The following GRID2 variants were observed in gnomAD, a reference collection of about 807,000 sequenced individuals.
GRID2 encodes glutamate receptor ionotropic, delta-2.
A neutral mutation model predicts 114.8 loss-of-function variants in GRID2; 33 were observed. The observed-to-expected ratio is 0.29, with a 90% CI of 0.22 to 0.38. GRID2 has a LOEUF of 0.38. Ranked by LOEUF, GRID2 falls within the 10% of genes least tolerant of loss-of-function variation. GRID2 has a pLI of 1.00. For synonymous variants in GRID2, 505 were observed against 449.9 expected (o/e 1.12, Z -1.55); for missense variants, 1,184 against 1,257.7 (o/e 0.94, Z 0.89).
intron 8 of GRID2, among the ~76,000 whole-genome samples, chr4:93,300,603 C>T (rs2149166430): frequency 6.6e-6 from 1 of 152,082 alleles, no homozygotes; most frequent in African/African-American, 2.4e-5. Context: ...AAATATTTGG[C>T]CTTGAAGAAC....
chr4:93,147,025 G>A (rs1237977474), intron 4 of GRID2, among the ~76,000 whole-genome samples: 2 of 152,120 alleles, frequency 1.3e-5, no homozygotes, highest in African/African-American at 4.8e-5. Context: ...GAATACAAAT[G>A]TATTCCGTAA....
intron 11 of GRID2, among the ~76,000 whole-genome samples, chr4:93,473,851 A>T (rs563334133): frequency 6.6e-6 from 1 of 152,240 alleles, no homozygotes; most frequent in East Asian, 1.9e-4. Flanking sequence ...ATATGTGCAT[A>T]AAAAATTTCT....
chr4:93,538,075 G>A (rs775943749), intron 13 of GRID2, among the ~76,000 whole-genome samples: 20 of 151,478 alleles, frequency 1.3e-4, no homozygotes, highest in Non-Finnish European at 2.7e-4. Flanking sequence ...ATTTTTATTC[G>A]TTTATTAAAA....
At position 92,768,447 on chromosome 4, in the gene GRID2, C is replaced by A. The variant is rs140665031; in HGVS notation, c.244+178161C>A. On this transcript the variant is annotated intron_variant, in intron 2 of 15. Transcript: ENST00000282020. ...TTAAAAAACAAGTGTGGATGGCTTC[C>A]CCTTTACTGAAATATGTTGTGCAAG... 3.5e-3 allele frequency among the ~76,000 whole-genome samples: 531 copies of A among 152,246 alleles called. 3 individuals are homozygous for A. The highest frequency in any genetic ancestry group is 6.3e-3 in the Non-Finnish European group (429 of 68,016).
chr4:93,468,921 T>C (rs1724540453), intron 11 of GRID2, among the ~76,000 whole-genome samples: 1 of 152,152 alleles, frequency 6.6e-6, no homozygotes, highest in Non-Finnish European at 1.5e-5. Context: ...GGTATACAAA[T>C]GTATACATGT....
chr4:93,503,148 G>A (rs1578141426), intron 12 of GRID2, among the ~76,000 whole-genome samples: 1 of 152,034 alleles, frequency 6.6e-6, no homozygotes, highest in Admixed American at 6.6e-5. Flanking sequence ...AGTCATTGTG[G>A]AGGACGTAGT....
intron 2 of GRID2, among the ~76,000 whole-genome samples, chr4:93,067,735 T>C (rs937788312): frequency 6.6e-6 from 1 of 152,008 alleles, no homozygotes; most frequent in African/African-American, 2.4e-5. Flanking sequence ...GTTTAACAAA[T>C]ATTTATTAAG....
rs1728499797 is a variant in GRID2 at position 93,068,385 on chromosome 4, A to C, written c.245-16610A>C. ...TCATTTGTGGGGGTGAAAGGAGATT[A>C]AAAAGGCTTTGAAATGAAATTTTCA... On this transcript the variant is annotated intron_variant, in intron 2 of 15. Coordinates refer to ENST00000282020, the MANE Select transcript of GRID2 (RefSeq NM_001510.4). Among the ~76,000 whole-genome samples, 6 of 152,228 alleles carry C rather than the reference A, an allele frequency of 3.9e-5. No individual in the cohort carries two copies. In the South Asian group the frequency reaches 1.2e-3, roughly 32 times the overall value.
chr4:92,409,398 C>T (rs973519732), intron 1 of GRID2, among the ~76,000 whole-genome samples: 1 of 152,100 alleles, frequency 6.6e-6, no homozygotes, highest in South Asian at 2.1e-4. Flanking sequence ...TGAAGATGAA[C>T]TCTAGAGAAT....
chr4:93,448,577 T>A (rs1447517563), intron 10 of GRID2, among the ~76,000 whole-genome samples: 1 of 151,914 alleles, frequency 6.6e-6, no homozygotes, highest in East Asian at 1.9e-4. Flanking sequence ...TTATTACAAA[T>A]AGTGTTCCCT....
At chr4:92,331,105 T>C (rs563556648) in intron 1 of GRID2, among the ~76,000 whole-genome samples, 77 of 152,326 alleles carry the variant, frequency 5.1e-4, no homozygotes, top group African/African-American at 1.6e-3. Flanking sequence ...TAAAGAATTG[T>C]TGCAAAACAC....
intron 2 of GRID2, among the ~76,000 whole-genome samples, chr4:92,720,715 TATATG>T (rs1353820191): frequency 4.6e-5 from 7 of 151,962 alleles, no homozygotes; most frequent in Admixed American, 1.3e-4. Context: ...ATATGGAAAA[TATATG>T]ATATGTACTA....
intron 1 of GRID2, among the ~76,000 whole-genome samples, chr4:92,516,033 G>A (rs557176430): frequency 7.8e-4 from 118 of 151,862 alleles, no homozygotes; most frequent in Middle Eastern, 6.8e-3. Context: ...GAAAATTATC[G>A]TTCTGTCAGA....
intron 6 of GRID2, among the ~76,000 whole-genome samples, chr4:93,217,939 A>T: frequency 6.6e-6 from 1 of 151,910 alleles, no homozygotes; most frequent in Non-Finnish European, 1.5e-5. Flanking sequence ...GTACTTAGAG[A>T]TTTTCAGTTT....
At chr4:93,594,085 C>A (rs1738743245) in intron 13 of GRID2, among the ~76,000 whole-genome samples, 1 of 152,182 alleles carries the variant, frequency 6.6e-6, no homozygotes, top group African/African-American at 2.4e-5. Flanking sequence ...CAGCTTTGTT[C>A]CGTTGCTGGT....
At chr4:92,726,870 T>C (rs1736093961) in intron 2 of GRID2, among the ~76,000 whole-genome samples, 1 of 152,020 alleles carries the variant, frequency 6.6e-6, no homozygotes, top group Non-Finnish European at 1.5e-5. Context: ...GACTATGAAG[T>C]TGCAACTTTG....
chr4:92,413,475 C>A (rs1579319702), intron 1 of GRID2, among the ~76,000 whole-genome samples: 1 of 152,046 alleles, frequency 6.6e-6, no homozygotes, highest in African/African-American at 2.4e-5. Context: ...CTATCCAAGT[C>A]AGTAGTAAGA....
At chr4:92,839,617 T>G (rs1293385657) in intron 2 of GRID2, among the ~76,000 whole-genome samples, 3 of 152,030 alleles carry the variant, frequency 2.0e-5, no homozygotes, top group Non-Finnish European at 2.9e-5. Flanking sequence ...AATTTCCATG[T>G]GTTTGTATAG....
intron 4 of GRID2, 40 bp downstream of exon 4, chr4:93,110,993 A>T: frequency 7.7e-7 from 1 of 1,298,718 alleles, no homozygotes; most frequent in Non-Finnish European, 1.1e-6. Context: ...TGTACAAAAC[A>T]ATTAAAAGCT....
Sources: gnomAD v4.1 joint callset for allele counts (sites outside exome capture counted in the v4.1 genomes callset) on GRCh38, gnomAD v4.1.1 for gene constraint, MANE v1.5 for transcripts, NCBI Gene and HGNC (gene_info 2026-07-23, HGNC 2026-07-21) for gene names.